PAPPA: variants seen among roughly 807,000 people sequenced by gnomAD.
The protein encoded by PAPPA is pappalysin 1.
PAPPA carries 60 observed loss-of-function variants against 164.0 expected under a neutral mutation model. The observed-to-expected ratio is 0.37, with a 90% CI of 0.30 to 0.45. PAPPA has a LOEUF of 0.45. PAPPA is among the 20% of genes least tolerant of loss of function. The probability of loss-of-function intolerance (pLI) is 1.00; values close to 1 mark genes in which losing one functional copy is unlikely to be tolerated. For synonymous variants in PAPPA, 875 were observed against 814.1 expected (o/e 1.07, Z -1.27); for missense variants, 1,782 against 2,087.3 (o/e 0.85, Z 2.85).
At chr9:116,166,227 G>A (rs976582118) in intron 1 of PAPPA, among the ~76,000 whole-genome samples, 2 of 152,192 alleles carry the variant, frequency 1.3e-5, no homozygotes, top group East Asian at 1.9e-4. Context: ...CAAAACAGAA[G>A]GGGAAGGGGA....
At chr9:116,257,688 C>T (rs1378453433) in intron 7 of PAPPA, among the ~76,000 whole-genome samples, 11 of 151,890 alleles carry the variant, frequency 7.2e-5, no homozygotes, top group African/African-American at 1.4e-4. Flanking sequence ...GGCGACAGAG[C>T]GAGACTCCGT....
intron 20 of PAPPA, among the ~76,000 whole-genome samples, chr9:116,378,505 C>A (rs1212626601): frequency 6.6e-6 from 1 of 152,094 alleles, no homozygotes. Flanking sequence ...TCAGACCATG[C>A]CCTAGAAAAA....
At chr9:116,393,738 T>G (rs1846924550) in intron 21 of PAPPA, among the ~76,000 whole-genome samples, 1 of 152,114 alleles carries the variant, frequency 6.6e-6, no homozygotes, top group African/African-American at 2.4e-5. Flanking sequence ...GAAAAAGAGC[T>G]GGCCAGGGAA....
chr9:116,307,382 CTGAGGTCAGGAGTT>C (rs1845660104), intron 10 of PAPPA, among the ~76,000 whole-genome samples: 1 of 152,032 alleles, frequency 6.6e-6, no homozygotes, highest in South Asian at 2.1e-4. Context: ...GGCGGATCAC[CTGAGGTCAGGAGTT>C]TGAGGCCAGC....
chr9:116,353,874 C>T, intron 17 of PAPPA, 81 bp downstream of exon 17: 1 of 948,714 alleles, frequency 1.1e-6, no homozygotes, highest in Non-Finnish European at 1.6e-6. Flanking sequence ...CTTCAGGAAC[C>T]ACTTTCTGCA....
intron 5 of PAPPA, among the ~76,000 whole-genome samples, chr9:116,224,264 ATC>A (rs986706169): frequency 1.3e-5 from 2 of 152,216 alleles, no homozygotes; most frequent in African/African-American, 4.8e-5. Context: ...CTTTATTTTT[ATC>A]TGTCTTGCAA....
intron 20 of PAPPA, among the ~76,000 whole-genome samples, chr9:116,378,767 A>G (rs1166198256): frequency 2.0e-5 from 3 of 152,300 alleles, no homozygotes; most frequent in Non-Finnish European, 2.9e-5. Flanking sequence ...CCACAAAGAC[A>G]AAACGTAAGC....
intron 7 of PAPPA, among the ~76,000 whole-genome samples, chr9:116,255,098 C>T (rs755943199): frequency 2.6e-5 from 4 of 151,808 alleles, no homozygotes; most frequent in Non-Finnish European, 4.4e-5. Flanking sequence ...CTGAGTTTCA[C>T]CTTCCTAAAA....
intron 7 of PAPPA, among the ~76,000 whole-genome samples, chr9:116,247,048 A>T (rs1301117105): frequency 6.6e-6 from 1 of 151,966 alleles, no homozygotes; most frequent in Non-Finnish European, 1.5e-5. Flanking sequence ...AGAGAGAGAG[A>T]AAATAAATGT....
rs771982951 is a variant in PAPPA, at chr9:116,302,958, C to T, written c.3147+8C>T. On this transcript the variant is annotated splice_region_variant and intron_variant, in intron 10 of 21. Coordinates refer to ENST00000328252, the MANE Select transcript of PAPPA (RefSeq NM_002581.5). ...CAGCCAGCAGCATCCCAGGTAAGAT[C>T]CTAACCATGTGTGGCATTTCCTGCA... is the stretch of plus-strand genomic sequence containing the variant. The T allele has an allele frequency of 6.2e-7, 1 of 1,611,538 alleles. No individual in the cohort carries two copies. The highest frequency in any genetic ancestry group is 1.1e-5 in the South Asian group (1 of 90,910).
intron 10 of PAPPA, among the ~76,000 whole-genome samples, chr9:116,312,739 G>T (rs1845736288): frequency 6.6e-6 from 1 of 151,964 alleles, no homozygotes; most frequent in South Asian, 2.1e-4. Flanking sequence ...ATTAGACTGG[G>T]TATGTTACCT....
Position 116,308,293 on chromosome 9 carries a change from A to T in PAPPA, c.3147+5343A>T, listed in dbSNP as rs145239240. On this transcript the variant is annotated intron_variant, in intron 10 of 21. Coordinates refer to ENST00000328252, the MANE Select transcript of PAPPA (RefSeq NM_002581.5). Reference sequence around the variant, plus strand: ...GGAGTTTCCCCGAGGAAGAAACCACACTGCTATCAGCTTACTCAGCCAGTA... The same window carrying T: ...GGAGTTTCCCCGAGGAAGAAACCACTCTGCTATCAGCTTACTCAGCCAGTA... 3.3e-4 allele frequency among the ~76,000 whole-genome samples: 51 copies of T among 152,296 alleles called. No individual in the cohort carries two copies. The East Asian group carries it at 8.1e-3, about 24-fold the overall frequency.
At chr9:116,280,356 A>G (rs555165173) in intron 9 of PAPPA, among the ~76,000 whole-genome samples, 1 of 152,262 alleles carries the variant, frequency 6.6e-6, no homozygotes. Flanking sequence ...GGTCAAGGAG[A>G]TCTCCTTGAA....
intron 4 of PAPPA, among the ~76,000 whole-genome samples, chr9:116,214,793 A>G (rs896727048): frequency 1.3e-5 from 2 of 152,184 alleles, no homozygotes; most frequent in Admixed American, 1.3e-4. Flanking sequence ...TCTCTAGCCT[A>G]CAGGAGCAAG....
chr9:116,334,107 C>T (rs1368894839), intron 12 of PAPPA, among the ~76,000 whole-genome samples: 1 of 152,054 alleles, frequency 6.6e-6, no homozygotes, highest in African/African-American at 2.4e-5. Flanking sequence ...CAGGTCCACC[C>T]AACACCAAAG....
intron 2 of PAPPA, among the ~76,000 whole-genome samples, chr9:116,194,204 A>G (rs1844077448): frequency 6.6e-6 from 1 of 152,176 alleles, no homozygotes; most frequent in African/African-American, 2.4e-5. Flanking sequence ...TTTGTTAGCT[A>G]TGCAATCTTG....
chr9:116,201,142 C>G (rs1844167140), intron 2 of PAPPA, among the ~76,000 whole-genome samples: 2 of 152,040 alleles, frequency 1.3e-5, no homozygotes, highest in Admixed American at 1.3e-4. Context: ...ATTGTTAGGG[C>G]CCTTGGGATA....
Position 116,305,932 on chromosome 9 carries a change from T to C in PAPPA, c.3147+2982T>C, listed in dbSNP as rs1047952336. On this transcript the variant is annotated intron_variant, in intron 10 of 21. Transcript: ENST00000328252. The stretch of plus-strand genomic sequence containing the variant: ...CTTCAGTTCTCCTTGAACAAACTTA[T>C]AGTCACTGCCCATACCTTCAAATTC... Among the ~76,000 whole-genome samples, 12 of 152,262 alleles carry C rather than the reference T, an allele frequency of 7.9e-5. No individual in the cohort carries two copies. In the East Asian group the frequency reaches 1.9e-3, roughly 25 times the overall value.
chr9:116,185,516 G>A (rs906149522), intron 1 of PAPPA, among the ~76,000 whole-genome samples: 4 of 152,148 alleles, frequency 2.6e-5, no homozygotes, highest in African/African-American at 9.7e-5. Flanking sequence ...CAGAGTTATG[G>A]TGACTGCAAC....
Sources: allele counts gnomAD v4.1 joint callset (sites outside exome capture counted in the v4.1 genomes callset), GRCh38; gene constraint gnomAD v4.1.1; transcripts MANE v1.5; gene names NCBI Gene and HGNC (gene_info 2026-07-23, HGNC 2026-07-21).